The following LAS1L variants were observed in gnomAD, a reference collection of about 807,000 sequenced individuals.
LAS1L encodes the protein LAS1 like ribosome biogenesis factor, also known as ribosomal biogenesis protein LAS1L.
Under a neutral mutation model 57.3 loss-of-function variants are expected in LAS1L, and 5 were observed. That is an observed-to-expected ratio of 0.09 (90% CI 0.05 to 0.18). The LOEUF is 0.18. Ranked by LOEUF, LAS1L falls within the 10% of genes least tolerant of loss-of-function variation. LAS1L has a pLI of 1.00. For synonymous variants in LAS1L, 245 were observed against 231.7 expected (o/e 1.06, Z -0.52); for missense variants, 360 against 568.3 (o/e 0.63, Z 3.73).
chrX:65,512,941 CT>C, intron 13 of LAS1L, 40 bp from the exon 14 acceptor site: 1 of 1,142,399 alleles, frequency 8.8e-7, no homozygotes, highest in Middle Eastern at 2.4e-4. Flanking sequence ...AAGGAGGCAG[CT>C]TTAGGCTCTG....
At chrX:65,531,105 C>T (rs1452266322) in intron 4 of LAS1L, among the ~76,000 whole-genome samples, 2 of 112,507 alleles carry the variant, frequency 1.8e-5, no homozygotes, top group Non-Finnish European at 3.8e-5. Context: ...AATACTAATC[C>T]CGTTTTACTT....
At chrX:65,514,670 G>T (rs978126765) in intron 13 of LAS1L, 153 bp downstream of exon 13, 3 of 500,835 alleles carry the variant, frequency 6.0e-6, no homozygotes, top group Non-Finnish European at 9.4e-6. Flanking sequence ...GGGAGAGCTG[G>T]CAAGGGCCCA....
chrX:65,515,779 A>G (rs1007337995), intron 12 of LAS1L, among the ~76,000 whole-genome samples: 1 of 111,375 alleles, frequency 9.0e-6, no homozygotes, highest in Non-Finnish European at 1.9e-5. Flanking sequence ...ACAACCAGCA[A>G]TCTTCCTGTC....
chrX:65,529,511 T>A (rs1008197828), intron 5 of LAS1L, 83 bp downstream of exon 5: 1 of 1,017,888 alleles, frequency 9.8e-7, no homozygotes, highest in South Asian at 2.3e-5. Context: ...GAGGAAATGC[T>A]GAGCCAGGGA....
At chrX:65,515,285 C>A (rs1380820639) in intron 12 of LAS1L, among the ~76,000 whole-genome samples, 2 of 111,496 alleles carry the variant, frequency 1.8e-5, no homozygotes, top group Non-Finnish European at 3.8e-5. Context: ...CAAACAACAA[C>A]TTCTGACCAG....
Position 65,512,604 on chromosome X carries a change from T to G in LAS1L, c.*171A>C. The G allele has an allele frequency of 1.7e-6, 1 of 582,413 alleles. No individual in the cohort carries two copies. Among genetic ancestry groups the G allele is most frequent in the East Asian group, 3.7e-5 (1 of 26,979 alleles). The allele number at this position is 582,413 out of a possible 1,213,427, so 48.0% of individuals were successfully genotyped here. On this transcript the variant is annotated 3_prime_UTR_variant, in exon 14 of 14. Transcript: ENST00000374811. ...AACTACAGTTGCCTGTTTATTATTTTTCAAAACAAAACAAAAACAAAAGAC... is the reference window on the plus strand; with the variant it reads ...AACTACAGTTGCCTGTTTATTATTTGTCAAAACAAAACAAAAACAAAAGAC...
In LAS1L at chrX:65,512,736, C is replaced by T. The variant is rs1239100556; in HGVS notation, c.*39G>A. The T allele has an allele frequency of 1.7e-6, 2 of 1,148,102 alleles. No individual in the cohort carries two copies. Among genetic ancestry groups the T allele is most frequent in the Non-Finnish European group, 2.3e-6 (2 of 860,753 alleles). The allele number at this position is 1,148,102 out of a possible 1,213,427, so 94.6% of individuals were successfully genotyped here. ...TTGTACTAGGGGGTGGGCTGTTGCCCTGGCACGGCTGGATGAACACTTGCA... is the reference window on the plus strand; with the variant it reads ...TTGTACTAGGGGGTGGGCTGTTGCCTTGGCACGGCTGGATGAACACTTGCA... On this transcript the variant is annotated 3_prime_UTR_variant, in exon 14 of 14. Transcript: ENST00000374811.
In LAS1L at chrX:65,531,447, A is replaced by G; in HGVS notation, c.433-9T>C. 1 of 1,172,174 alleles carries G rather than the reference A, an allele frequency of 8.5e-7. No individual in the cohort carries two copies. Among genetic ancestry groups the G allele is most frequent in the Non-Finnish European group, 1.2e-6 (1 of 859,611 alleles). On this transcript the variant is annotated splice_polypyrimidine_tract_variant and intron_variant, in intron 3 of 13. Coordinates refer to ENST00000374811, the MANE Select transcript of LAS1L (RefSeq NM_031206.7). Reference sequence around the variant, plus strand: ...CAATCCGGAATATTTACCTGATTACAGGGGAGGGTGTGAGTACAGAAATTG... The same window carrying G: ...CAATCCGGAATATTTACCTGATTACGGGGGAGGGTGTGAGTACAGAAATTG...
Position 65,534,463 on chromosome X carries a change from C to G in LAS1L, c.236+17G>C. 1 of 1,165,717 alleles carries G rather than the reference C, an allele frequency of 8.6e-7. No individual in the cohort carries two copies. The highest frequency in any genetic ancestry group is 1.2e-6 in the Non-Finnish European group (1 of 863,735). ...GCCACCAGCACGCAGGCAAAAGGGC[C>G]GAACCCGCCACCTTACCTGCTCCTC... On this transcript the variant is annotated intron_variant, in intron 1 of 13. Transcript: ENST00000374811.
At chrX:65,534,437 C>T (rs372973720) in intron 1 of LAS1L, 43 bp downstream of exon 1, 41 of 1,002,156 alleles carry the variant, frequency 4.1e-5, no homozygotes, top group Non-Finnish European at 5.4e-5. Context: ...AGAGGTGCAG[C>T]GCCACCAGCA....
intron 12 of LAS1L, among the ~76,000 whole-genome samples, chrX:65,516,633 CTA>C (rs1247275915): frequency 1.3e-5 from 1 of 74,719 alleles, no homozygotes; most frequent in Non-Finnish European, 2.4e-5. Flanking sequence ...TCCCTTTTTC[CTA>C]TACACACACA....
rs756011141 is a variant in LAS1L at position 65,512,842 on chromosome X, T to TTGCTGC, written c.2132_2137dup (p.Ser711_Ser712dup). 3.4e-6 allele frequency: 4 copies of TTGCTGC among 1,166,261 alleles called. No individual in the cohort carries two copies. Among genetic ancestry groups the TTGCTGC allele is most frequent in the African/African-American group, 1.8e-5 (1 of 55,793 alleles). ...CTGGCTCCAGAGAAGGCCCTCGAAG[T>TTGCTGC]TGCTGCTGCTGCTGTTGCTGCAGTT... On this transcript the variant is annotated inframe_insertion, in exon 14 of 14. Transcript: ENST00000374811.
chrX:65,524,404 C>T (rs2069019106), intron 9 of LAS1L, 142 bp from the exon 10 acceptor site: 1 of 514,922 alleles, frequency 1.9e-6, no homozygotes, highest in Admixed American at 2.9e-5. Flanking sequence ...GCCAAGCCCC[C>T]CACCAACAAC....
intron 1 of LAS1L, 95 bp from the exon 2 acceptor site, chrX:65,533,830 A>T: frequency 1.1e-6 from 1 of 952,036 alleles, no homozygotes; most frequent in Non-Finnish European, 1.5e-6. Flanking sequence ...CACCCATCAT[A>T]TTCTGGTTCA....
intron 12 of LAS1L, among the ~76,000 whole-genome samples, chrX:65,515,813 A>G (rs1223686119): frequency 3.6e-5 from 4 of 111,829 alleles, no homozygotes; most frequent in African/African-American, 1.3e-4. Context: ...ACATGTGTAC[A>G]CACATAAGGA....
chrX:65,524,665 C>A (rs1396650611), intron 8 of LAS1L, 51 bp from the exon 9 acceptor site: 7 of 519,007 alleles, frequency 1.3e-5, no homozygotes, highest in African/African-American at 2.3e-5. Context: ...CCCTCCAATT[C>A]TGCTGTTCTA....
In LAS1L at chrX:65,534,290, C is replaced by T. The variant is rs1202185416; in HGVS notation, c.236+190G>A. ...AACAAGAGAATTGTTGAGGCACAAC[C>T]CCTTACTTTCCATTCCGCTAACGGG... is the stretch of plus-strand genomic sequence containing the variant. On this transcript the variant is annotated intron_variant, in intron 1 of 13. Transcript: ENST00000374811. Among the ~76,000 whole-genome samples, 5 of 112,215 alleles carry T rather than the reference C, an allele frequency of 4.5e-5. No homozygotes were observed. The South Asian group carries it at 1.8e-3, about 41-fold the overall frequency.
chrX:65,517,055 TC>T, intron 12 of LAS1L, among the ~76,000 whole-genome samples: 1 of 110,510 alleles, frequency 9.0e-6, no homozygotes, highest in Non-Finnish European at 1.9e-5. Context: ...AGGTTCCTGT[TC>T]ATTAACCTAA....
chrX:65,514,986 G>A lies in LAS1L; in HGVS notation c.1928-13C>T, dbSNP rs772412716. ...CATCGCACGTCTTCTGTGGAGCAAA[G>A]GGAAGTGGCAAGACTGGGCTGATGA... On this transcript the variant is annotated splice_polypyrimidine_tract_variant and intron_variant, in intron 12 of 13. Transcript: ENST00000374811. The A allele has an allele frequency of 6.2e-5, 74 of 1,200,501 alleles. No individual in the cohort carries two copies. Among genetic ancestry groups the A allele is most frequent in the Non-Finnish European group, 7.1e-5 (63 of 889,603 alleles).
Sources: allele counts gnomAD v4.1 joint callset (sites outside exome capture counted in the v4.1 genomes callset), GRCh38; gene constraint gnomAD v4.1.1; transcripts MANE v1.5; gene names NCBI Gene and HGNC (gene_info 2026-07-23, HGNC 2026-07-21).